ANK3: variants seen among roughly 807,000 people sequenced by gnomAD.
The protein encoded by ANK3 is ankyrin-3.
A neutral mutation model predicts 370.9 loss-of-function variants in ANK3; 57 were observed. The ratio of observed to expected loss-of-function variants is 0.15; its 90% CI spans 0.12 to 0.19. The LOEUF is 0.19. ANK3 is among the 10% of genes least tolerant of loss of function. The pLI is 1.00. For missense variants in ANK3, 4,439 were observed against 5,302.1 expected, an observed-to-expected ratio of 0.84 and a Z score of 5.06; for synonymous variants, 1,929 against 1,946.3, an observed-to-expected ratio of 0.99 and a Z score of 0.23.
chr10:60,559,433 T>C (rs1239006800), intron 2 of ANK3, among the ~76,000 whole-genome samples: 2 of 152,228 alleles, frequency 1.3e-5, no homozygotes, highest in African/African-American at 4.8e-5. Flanking sequence ...TTGCCGTGAA[T>C]GCCATTATTT....
At chr10:60,396,045 C>T (rs1181599973) in intron 2 of ANK3, among the ~76,000 whole-genome samples, 1 of 152,158 alleles carries the variant, frequency 6.6e-6, no homozygotes, top group Non-Finnish European at 1.5e-5. Flanking sequence ...ATACAAAACT[C>T]CCTTTACGCC....
intron 1 of ANK3, 124 bp from the exon 2 acceptor site, chr10:60,279,763 T>C (rs1326609117): frequency 1.3e-5 from 10 of 746,476 alleles, no homozygotes; most frequent in African/African-American, 9.1e-5. Context: ...AAAATATGAA[T>C]AAAAGTTCTT....
chr10:60,244,735 G>A (rs913742903), intron 7 of ANK3, among the ~76,000 whole-genome samples: 1 of 152,152 alleles, frequency 6.6e-6, no homozygotes, highest in African/African-American at 2.4e-5. Flanking sequence ...CGGAAGCAAA[G>A]ATTACTACCA....
chr10:60,471,233 A>G (rs2065211438), intron 2 of ANK3, among the ~76,000 whole-genome samples: 1 of 152,208 alleles, frequency 6.6e-6, no homozygotes, highest in Admixed American at 6.6e-5. Flanking sequence ...CCTATCTTCA[A>G]GGAAAACAAA....
chr10:60,144,254 A>G (rs921076333), intron 23 of ANK3: 1 of 426,496 alleles, frequency 2.3e-6, no homozygotes, highest in Non-Finnish European at 4.6e-6. Flanking sequence ...ACAAGGTCCA[A>G]AGGTAAACCA....
At chr10:60,143,157 A>G (rs2094645197) in intron 23 of ANK3, among the ~76,000 whole-genome samples, 1 of 152,184 alleles carries the variant, frequency 6.6e-6, no homozygotes, top group Non-Finnish European at 1.5e-5. Flanking sequence ...AAATCCAATT[A>G]CAGCAGTAAA....
At chr10:60,238,942 A>G (rs867710179) in intron 7 of ANK3, among the ~76,000 whole-genome samples, 2 of 152,152 alleles carry the variant, frequency 1.3e-5, no homozygotes, top group Non-Finnish European at 1.5e-5. Flanking sequence ...CAGCAAAGGC[A>G]TGGGATTCTT....
At chr10:60,335,950 C>T (rs149800064) in intron 1 of ANK3, among the ~76,000 whole-genome samples, 17 of 152,174 alleles carry the variant, frequency 1.1e-4, no homozygotes, top group East Asian at 5.8e-4. Context: ...AGCCAATAGA[C>T]GAGAATTTTA....
intron 1 of ANK3, among the ~76,000 whole-genome samples, chr10:60,644,272 G>A (rs1183369002): frequency 6.6e-6 from 1 of 152,128 alleles, no homozygotes; most frequent in Non-Finnish European, 1.5e-5. Flanking sequence ...GGAGAACATA[G>A]CATCTGCCCA....
intron 1 of ANK3, among the ~76,000 whole-genome samples, chr10:60,343,631 C>A (rs1324977330): frequency 1.3e-5 from 2 of 152,126 alleles, no homozygotes; most frequent in African/African-American, 4.8e-5. Context: ...AGAAATGGCT[C>A]CTCTGAGGAG....
intron 2 of ANK3, among the ~76,000 whole-genome samples, chr10:60,571,926 G>A (rs7895202): frequency 0.47 from 71,424 of 151,880 alleles, 17,180 homozygotes; most frequent in Non-Finnish European, 0.52. Flanking sequence ...CTGGGTATAT[G>A]GCTGTATGAC....
chr10:60,090,660 C>A (rs2088059113), intron 28 of ANK3, among the ~76,000 whole-genome samples: 2 of 152,136 alleles, frequency 1.3e-5, no homozygotes, highest in Admixed American at 1.3e-4. Flanking sequence ...AAACATATTA[C>A]AATGTTCAAA....
At chr10:60,557,711 A>C (rs1410575185) in intron 2 of ANK3, among the ~76,000 whole-genome samples, 1 of 152,194 alleles carries the variant, frequency 6.6e-6, no homozygotes, top group Non-Finnish European at 1.5e-5. Context: ...AAGAATGACA[A>C]ATTGCCCATG....
At chr10:60,177,093 C>T (rs2095987350) in intron 18 of ANK3, among the ~76,000 whole-genome samples, 1 of 152,142 alleles carries the variant, frequency 6.6e-6, no homozygotes, top group Admixed American at 6.5e-5. Flanking sequence ...GGACTTTGAG[C>T]TTCTCTTATC....
chr10:60,157,901 A>AGAGAGG (rs2095389799), intron 23 of ANK3, among the ~76,000 whole-genome samples: 1 of 149,256 alleles, frequency 6.7e-6, no homozygotes, highest in Non-Finnish European at 1.5e-5. Flanking sequence ...AGAGAGAGAG[A>AGAGAGG]GAGAGAGAGA....
intron 2 of ANK3, among the ~76,000 whole-genome samples, chr10:60,407,584 T>C (rs1285316617): frequency 6.6e-6 from 1 of 152,232 alleles, no homozygotes; most frequent in African/African-American, 2.4e-5. Context: ...AGTAATTCAT[T>C]CATTCATTCA....
At chr10:60,271,040 A>G (rs535568075) in intron 4 of ANK3, among the ~76,000 whole-genome samples, 1 of 152,262 alleles carries the variant, frequency 6.6e-6, no homozygotes, top group South Asian at 2.1e-4. Context: ...TAATATGCAT[A>G]TTACATCTTT....
At chr10:60,673,059 AT>A (rs957235356) in intron 1 of ANK3, among the ~76,000 whole-genome samples, 4 of 146,382 alleles carry the variant, frequency 2.7e-5, no homozygotes, top group African/African-American at 7.5e-5. Flanking sequence ...AAAAAAAAAA[AT>A]CACCTCTGCA....
At chr10:60,202,229 C>T (rs2096691569) in intron 12 of ANK3, among the ~76,000 whole-genome samples, 2 of 152,244 alleles carry the variant, frequency 1.3e-5, no homozygotes, top group South Asian at 4.2e-4. Context: ...TCAGGCAATT[C>T]TCCTGCCTCA....
Sources: allele counts gnomAD v4.1 joint callset (sites outside exome capture counted in the v4.1 genomes callset), GRCh38; gene constraint gnomAD v4.1.1; transcripts MANE v1.5; gene names NCBI Gene and HGNC (gene_info 2026-07-23, HGNC 2026-07-21).